DCDC1: variants seen among roughly 807,000 people sequenced by gnomAD.
The protein encoded by DCDC1 is doublecortin domain-containing protein 1.
A neutral mutation model predicts 178.3 loss-of-function variants in DCDC1; 200 were observed. That is an observed-to-expected ratio of 1.12 (90% CI 1.00 to 1.26). The LOEUF (loss-of-function observed/expected upper bound fraction) is 1.26. DCDC1 is among the 50% of genes most tolerant of loss of function. The probability of loss-of-function intolerance (pLI) is 0.00; values close to 1 mark genes in which losing one functional copy is unlikely to be tolerated. For synonymous variants in DCDC1, 690 were observed against 604.8 expected, an observed-to-expected ratio of 1.14 and a Z score of -2.07; for missense variants, 1,983 against 1,749.2, an observed-to-expected ratio of 1.13 and a Z score of -2.38.
chr11:31,288,124 T>A (rs1946970883), intron 7 of DCDC1, among the ~76,000 whole-genome samples: 1 of 151,930 alleles, frequency 6.6e-6, no homozygotes. Context: ...TATCTGAAAA[T>A]GAATCCAAGA....
At chr11:31,313,460 A>G (rs1948883246) in intron 3 of DCDC1, among the ~76,000 whole-genome samples, 1 of 152,164 alleles carries the variant, frequency 6.6e-6, no homozygotes, top group Non-Finnish European at 1.5e-5. Context: ...TTATGCAGGG[A>G]GCTCAGCTCC....
intron 9 of DCDC1, among the ~76,000 whole-genome samples, chr11:31,208,503 C>T (rs368686778): frequency 5.9e-5 from 9 of 152,262 alleles, no homozygotes; most frequent in South Asian, 4.1e-4. Flanking sequence ...TGTCTGTCTC[C>T]GCTCATCCTA....
intron 20 of DCDC1, among the ~76,000 whole-genome samples, chr11:31,042,301 G>T (rs891337776): frequency 6.6e-6 from 1 of 152,180 alleles, no homozygotes; most frequent in African/African-American, 2.4e-5. Flanking sequence ...GGAACACACA[G>T]AATGTAGTAA....
At chr11:31,006,748 A>G (rs767029870) in intron 20 of DCDC1, among the ~76,000 whole-genome samples, 9 of 152,232 alleles carry the variant, frequency 5.9e-5, no homozygotes, top group Non-Finnish European at 1.2e-4. Flanking sequence ...ATACAACTCC[A>G]GTTTCAAAAC....
chr11:31,072,139 T>C (rs1956604856), intron 18 of DCDC1, among the ~76,000 whole-genome samples: 2 of 152,214 alleles, frequency 1.3e-5, no homozygotes, highest in South Asian at 4.1e-4. Context: ...TTTTACATCT[T>C]CCTAATGTTA....
chr11:30,947,011 C>G (rs758953948), intron 21 of DCDC1, among the ~76,000 whole-genome samples: 4 of 152,060 alleles, frequency 2.6e-5, no homozygotes, highest in Non-Finnish European at 5.9e-5. Flanking sequence ...AATACTTTTC[C>G]AGGATGTTAC....
intron 20 of DCDC1, among the ~76,000 whole-genome samples, chr11:30,972,415 C>G (rs1949854232): frequency 6.6e-6 from 1 of 152,006 alleles, no homozygotes; most frequent in Non-Finnish European, 1.5e-5. Flanking sequence ...CTCAGAAAAG[C>G]AAAAACTGAG....
chr11:30,962,779 G>T (rs948276692), intron 20 of DCDC1, among the ~76,000 whole-genome samples: 1 of 151,976 alleles, frequency 6.6e-6, no homozygotes, highest in African/African-American at 2.4e-5. Context: ...AGTTGGTTGA[G>T]CTTCCTGGTT....
intron 18 of DCDC1, 42 bp downstream of exon 18, chr11:31,077,823 G>T: frequency 2.6e-6 from 2 of 759,768 alleles, no homozygotes; most frequent in Non-Finnish European, 4.8e-6. Flanking sequence ...TCTGGGAATA[G>T]AAAAACTTAG....
At chr11:31,121,038 G>C (rs1960719190) in intron 11 of DCDC1, among the ~76,000 whole-genome samples, 1 of 152,062 alleles carries the variant, frequency 6.6e-6, no homozygotes, top group Non-Finnish European at 1.5e-5. Flanking sequence ...GGGAATAAGG[G>C]GTAAGAGAAA....
At chr11:31,217,911 C>A (rs1973780238) in intron 9 of DCDC1, among the ~76,000 whole-genome samples, 1 of 151,884 alleles carries the variant, frequency 6.6e-6, no homozygotes. Context: ...ATATCTCTGC[C>A]CATGTCTCCC....
intron 10 of DCDC1, among the ~76,000 whole-genome samples, chr11:31,137,038 T>C (rs1276816571): frequency 6.6e-6 from 1 of 152,162 alleles, no homozygotes; most frequent in Admixed American, 6.5e-5. Flanking sequence ...CAAGATATAG[T>C]ATTTATCAAA....
intron 9 of DCDC1, among the ~76,000 whole-genome samples, chr11:31,185,947 A>G (rs1424146175): frequency 6.6e-6 from 1 of 152,212 alleles, no homozygotes; most frequent in African/African-American, 2.4e-5. Context: ...AACTATGAAT[A>G]TAGCAAATTG....
intron 13 of DCDC1, among the ~76,000 whole-genome samples, chr11:31,104,360 A>G (rs2135751915): frequency 6.6e-6 from 1 of 152,268 alleles, no homozygotes; most frequent in South Asian, 2.1e-4. Context: ...TTAAAAATCA[A>G]CGACATCACC....
chr11:30,968,807 T>C (rs938563054), intron 20 of DCDC1, among the ~76,000 whole-genome samples: 19 of 146,626 alleles, frequency 1.3e-4, no homozygotes, highest in African/African-American at 4.8e-4. Flanking sequence ...ATTCTGCACA[T>C]TTAAAATCTA....
At chr11:30,905,255 T>C (rs1421861863) in intron 30 of DCDC1, 91 bp from the exon 31 acceptor site, 30 of 1,292,044 alleles carry the variant, frequency 2.3e-5, no homozygotes, top group Non-Finnish European at 1.1e-6. Context: ...TGTGTATACG[T>C]GTGTGGTGTC....
At chr11:30,934,299 G>A (rs1947125989) in intron 21 of DCDC1, among the ~76,000 whole-genome samples, 1 of 152,162 alleles carries the variant, frequency 6.6e-6, no homozygotes, top group African/African-American at 2.4e-5. Context: ...GGTTTTGGTG[G>A]CCATGTGTAT....
chr11:31,288,615 T>C (rs1045258358), intron 7 of DCDC1, among the ~76,000 whole-genome samples: 7 of 151,910 alleles, frequency 4.6e-5, no homozygotes, highest in African/African-American at 1.7e-4. Flanking sequence ...TGCAATAACC[T>C]TCACCATATT....
At chr11:30,944,819 A>T (rs1191485888) in intron 21 of DCDC1, among the ~76,000 whole-genome samples, 4 of 152,076 alleles carry the variant, frequency 2.6e-5, no homozygotes, top group African/African-American at 9.7e-5. Context: ...TAAGGGACAG[A>T]TTTTTGTTGG....
Sources: allele counts gnomAD v4.1 joint callset (sites outside exome capture counted in the v4.1 genomes callset), GRCh38; gene constraint gnomAD v4.1.1; transcripts MANE v1.5; gene names NCBI Gene and HGNC (gene_info 2026-07-23, HGNC 2026-07-21).